The following MVB12B variants were observed in gnomAD, a reference collection of about 807,000 sequenced individuals.
The protein encoded by MVB12B is multivesicular body subunit 12B.
A neutral mutation model predicts 41.6 loss-of-function variants in MVB12B; 16 were observed. The ratio of observed to expected loss-of-function variants is 0.38; its 90% CI spans 0.26 to 0.58. The LOEUF (loss-of-function observed/expected upper bound fraction) is 0.58, where lower values mean the gene tolerates loss of function less well. MVB12B is among the 20% of genes least tolerant of loss of function. MVB12B has a pLI of 0.62. For synonymous variants in MVB12B, 133 were observed against 139.7 expected, an observed-to-expected ratio of 0.95 and a Z score of 0.34; for missense variants, 274 against 380.2, an observed-to-expected ratio of 0.72 and a Z score of 2.32.
intron 6 of MVB12B, among the ~76,000 whole-genome samples, chr9:126,418,219 G>A (rs1405983990): frequency 1.3e-5 from 2 of 152,074 alleles, no homozygotes; most frequent in Non-Finnish European, 2.9e-5. Context: ...AGAGAACCTG[G>A]GGCGGGGGTT....
In MVB12B at chr9:126,392,020, G is replaced by T; in HGVS notation, c.410-46G>T. The T allele has an allele frequency of 6.2e-7, 1 of 1,605,010 alleles. No homozygotes were observed. The highest frequency in any genetic ancestry group is 1.1e-5 in the South Asian group (1 of 90,792). ...ATGTGGTTTTCAGAATAGAGATTCT[G>T]GTATCTCTGGAAAACTCATACCTTT... On this transcript the variant is annotated intron_variant, in intron 4 of 9. Coordinates refer to ENST00000361171, the MANE Select transcript of MVB12B (RefSeq NM_033446.3). The surrounding 1 kb of genome is among the most constrained non-coding windows in gnomAD (Gnocchi z 4.8).
chr9:126,369,305 A>G (rs1830270116), intron 2 of MVB12B, among the ~76,000 whole-genome samples: 1 of 152,208 alleles, frequency 6.6e-6, no homozygotes. Context: ...CTTCAGGTCT[A>G]TTGTCTGATT....
chr9:126,335,276 A>T (rs1353507734), intron 1 of MVB12B: 4 of 1,280,848 alleles, frequency 3.1e-6, no homozygotes, highest in Non-Finnish European at 4.1e-6. Context: ...AGGTGTCAGG[A>T]TGCTATCCTG....
At chr9:126,493,813 G>T (rs564901847) in intron 9 of MVB12B, among the ~76,000 whole-genome samples, 2 of 152,296 alleles carry the variant, frequency 1.3e-5, no homozygotes, top group South Asian at 2.1e-4. Context: ...TGACTTTTGT[G>T]TAATATTTCT....
chr9:126,383,222 G>A (rs1374421785), intron 3 of MVB12B, among the ~76,000 whole-genome samples: 3 of 152,282 alleles, frequency 2.0e-5, no homozygotes, highest in Admixed American at 6.5e-5. Flanking sequence ...CTGTAAAGGA[G>A]GGATGTGGGG....
intron 1 of MVB12B, among the ~76,000 whole-genome samples, chr9:126,334,445 C>T (rs1829222336): frequency 6.6e-6 from 1 of 152,204 alleles, no homozygotes; most frequent in African/African-American, 2.4e-5. Flanking sequence ...GGTGTGGTGG[C>T]CTGGCTGGCC....
chr9:126,328,364 A>G (rs577309729), intron 1 of MVB12B, among the ~76,000 whole-genome samples: 1 of 152,194 alleles, frequency 6.6e-6, no homozygotes, highest in African/African-American at 2.4e-5. Flanking sequence ...CCTTCCTTCT[A>G]GGCTTTAGGT....
At position 126,389,589 on chromosome 9, in the gene MVB12B, A is replaced by G. The variant is rs1830887139; in HGVS notation, c.410-2477A>G. Among the ~76,000 whole-genome samples the G allele has an allele frequency of 6.6e-6, 1 of 152,202 alleles. No individual in the cohort carries two copies. The highest frequency in any genetic ancestry group is 1.5e-5 in the Non-Finnish European group (1 of 68,030). On this transcript the variant is annotated intron_variant, in intron 4 of 9. Transcript: ENST00000361171. This position sits in a 1 kb window ranked among gnomAD's most constrained non-coding sequence, Gnocchi z 4.4. ...CCCCGAGTTTGCTGCAGACGGAAGA[A>G]TGGAGCCAAGAGCAGCGTGGCAACA...
intron 7 of MVB12B, among the ~76,000 whole-genome samples, chr9:126,431,519 A>G (rs1832331376): frequency 6.6e-6 from 1 of 152,200 alleles, no homozygotes; most frequent in Admixed American, 6.5e-5. Flanking sequence ...GACTTTTTCC[A>G]GTTAAGTCAT....
intron 7 of MVB12B, among the ~76,000 whole-genome samples, chr9:126,430,236 C>T (rs1219481415): frequency 1.3e-5 from 2 of 152,196 alleles, no homozygotes; most frequent in Non-Finnish European, 2.9e-5. Flanking sequence ...TCATTCAGAC[C>T]TCAGACCTCA....
At chr9:126,500,585 C>G (rs1307480345) in intron 9 of MVB12B, among the ~76,000 whole-genome samples, 2 of 152,206 alleles carry the variant, frequency 1.3e-5, no homozygotes, top group Non-Finnish European at 2.9e-5. Flanking sequence ...GGCCCCAGAC[C>G]TACCCAGTCA....
At chr9:126,490,555 G>A (rs1833710967) in intron 9 of MVB12B, among the ~76,000 whole-genome samples, 1 of 152,156 alleles carries the variant, frequency 6.6e-6, no homozygotes, top group Non-Finnish European at 1.5e-5. Context: ...AAACCGCGGC[G>A]GAGGAAGCAC....
chr9:126,405,629 C>T (rs191793314), intron 6 of MVB12B, among the ~76,000 whole-genome samples: 4 of 151,806 alleles, frequency 2.6e-5, no homozygotes, highest in Admixed American at 2.0e-4. Flanking sequence ...CCCTACCCCC[C>T]GCCCCAACTA....
intron 2 of MVB12B, among the ~76,000 whole-genome samples, chr9:126,357,044 A>T (rs530826330): frequency 1.3e-5 from 2 of 151,670 alleles, no homozygotes; most frequent in Non-Finnish European, 2.9e-5. Context: ...CACTCCCCCA[A>T]CCCCACTTCT....
intron 2 of MVB12B, among the ~76,000 whole-genome samples, chr9:126,379,973 G>A (rs1199976693): frequency 1.3e-5 from 2 of 152,224 alleles, no homozygotes; most frequent in Non-Finnish European, 2.9e-5. Flanking sequence ...GAGCTTGTCA[G>A]GTCAAGGACT....
intron 6 of MVB12B, among the ~76,000 whole-genome samples, chr9:126,415,859 G>A (rs1831804532): frequency 6.6e-6 from 1 of 152,184 alleles, no homozygotes; most frequent in South Asian, 2.1e-4. Flanking sequence ...GGAGGCAGGT[G>A]TTATAAGAGT....
Position 126,503,397 on chromosome 9 carries a change from T to A in MVB12B, c.*134T>A. 1.4e-6 allele frequency: 1 copy of A among 716,320 alleles called. No homozygotes were observed. Among genetic ancestry groups the A allele is most frequent in the South Asian group, 1.9e-5 (1 of 53,786 alleles). 44.4% of individuals were successfully genotyped at this position (716,320 alleles called of 1,614,324 possible). A position where few individuals can be genotyped will look rare whatever the true frequency, so the allele number is the denominator to read the frequency against. ...GCCCCAGCAGGGCTGGCCCGGAGACTGGGCAGCTAAGTGGGCGCATCCTGT... is the reference window on the plus strand; with the variant it reads ...GCCCCAGCAGGGCTGGCCCGGAGACAGGGCAGCTAAGTGGGCGCATCCTGT... On this transcript the variant is annotated 3_prime_UTR_variant, in exon 10 of 10. Transcript: ENST00000361171.
At chr9:126,336,218 A>G (rs1829270031) in intron 1 of MVB12B, among the ~76,000 whole-genome samples, 2 of 152,248 alleles carry the variant, frequency 1.3e-5, no homozygotes, top group African/African-American at 2.4e-5. Flanking sequence ...ACAGGAGTTG[A>G]TAAAACGAGA....
intron 4 of MVB12B, among the ~76,000 whole-genome samples, chr9:126,390,859 G>A (rs1034078069): frequency 6.6e-6 from 1 of 151,838 alleles, no homozygotes; most frequent in African/African-American, 2.4e-5. Context: ...GGCTGGGGCA[G>A]GAGAATCACT....
Sources: gnomAD v4.1 joint callset for allele counts (sites outside exome capture counted in the v4.1 genomes callset) on GRCh38, gnomAD v4.1.1 for gene constraint, Gnocchi (gnomAD v3.1) non-coding constraint, MANE v1.5 for transcripts, NCBI Gene and HGNC (gene_info 2026-07-23, HGNC 2026-07-21) for gene names.